The following PRR35 variants were observed in gnomAD, a reference collection of about 807,000 sequenced individuals.
PRR35 encodes proline rich 35.
In PRR35, 14 loss-of-function variants were observed where a neutral mutation model predicts 18.6. The ratio of observed to expected loss-of-function variants is 0.75; its 90% CI spans 0.50 to 1.18. The LOEUF is 1.18. Ranked by LOEUF, PRR35 falls within the 50% of genes most tolerant of loss-of-function variation. The pLI, the probability that PRR35 is intolerant of heterozygous loss-of-function variation, is 0.00. For synonymous variants in PRR35, 425 were observed against 378.2 expected (o/e 1.12, Z -1.43); for missense variants, 832 against 792.2 (o/e 1.05, Z -0.60).
At chr16:562,783 G>T (rs1261797678) in intron 1 of PRR35, among the ~76,000 whole-genome samples, 1 of 152,238 alleles carries the variant, frequency 6.6e-6, no homozygotes. Flanking sequence ...GATTCTTTTA[G>T]CCACTCACAT....
intron 1 of PRR35, chr16:561,618 C>T (rs906270082): frequency 3.2e-5 from 17 of 533,498 alleles, no homozygotes; most frequent in Middle Eastern, 9.3e-4. Context: ...CCTGCCCCTG[C>T]AGCCCGTGAC....
chr16:560,934 C>CGGGG (rs59225364), intron 1 of PRR35, among the ~76,000 whole-genome samples: 76 of 130,952 alleles, frequency 5.8e-4, no homozygotes, highest in African/African-American at 2.1e-3. Context: ...CCTGCGTTCC[C>CGGGG]GGGGGGGGGG....
At chr16:562,075 G>A (rs1485895995) in intron 1 of PRR35, among the ~76,000 whole-genome samples, 1 of 152,266 alleles carries the variant, frequency 6.6e-6, no homozygotes, top group Non-Finnish European at 1.5e-5. Context: ...CACACCCAAA[G>A]CCCGTGTGCG....
chr16:564,200 G>A lies in PRR35; in HGVS notation c.906G>A (p.Leu302=). 6.4e-7 allele frequency: 1 copy of A among 1,567,038 alleles called. No individual in the cohort carries two copies. Among genetic ancestry groups the A allele is most frequent in the Non-Finnish European group, 8.6e-7 (1 of 1,162,566 alleles). Residue 302 remains leucine (L), a synonymous_variant, in exon 2 of 3, where the codon CTG becomes CTA. Transcript: ENST00000409413. The part of the protein sequence containing the change: ...SPSGTPAPGL[L]KVPVPGLGPW... ...CTGGGACTCCGGCTCCTGGCCTGCTGAAGGTGCCAGTTCCAGGGCTGGGGC... is the reference window on the plus strand; with the variant it reads ...CTGGGACTCCGGCTCCTGGCCTGCTAAAGGTGCCAGTTCCAGGGCTGGGGC...
intron 1 of PRR35, among the ~76,000 whole-genome samples, chr16:562,377 A>G (rs2035447383): frequency 6.6e-6 from 1 of 152,224 alleles, no homozygotes; most frequent in African/African-American, 2.4e-5. Flanking sequence ...TGCCCACCTG[A>G]CGCCCTGCTA....
Position 564,982 on chromosome 16 carries a change from C to A in PRR35, c.1391C>A (p.Pro464His). The change falls in exon 3 of 3, where the codon CCC (proline) becomes CAC (histidine). Residue 464 changes from proline to histidine, a missense_variant. Physicochemically the swap from Pro to His is moderately conservative, Grantham distance 77 (BLOSUM62 -2). Around this residue, in one of 3 missense-constraint regions of PRR35, gnomAD observed 768 missense variants for 704.1 expected, o/e 1.09. Coordinates refer to ENST00000409413, the MANE Select transcript of PRR35 (RefSeq NM_145270.3). ...LEQAVRPPDA[P>H]LDLSVKRAPA... ...CAGGCCGTGAGGCCGCCAGACGCACCCCTCGACCTCTCTGTGAAACGTGCG... is the reference window on the plus strand; with the variant it reads ...CAGGCCGTGAGGCCGCCAGACGCACACCTCGACCTCTCTGTGAAACGTGCG... 1 of 1,607,684 alleles carries A rather than the reference C, an allele frequency of 6.2e-7. No homozygotes were observed. The highest frequency in any genetic ancestry group is 8.5e-7 in the Non-Finnish European group (1 of 1,178,392).
At chr16:564,523 G>T in intron 2 of PRR35, 147 bp downstream of exon 2, 2 of 1,409,852 alleles carry the variant, frequency 1.4e-6, no homozygotes, top group South Asian at 2.8e-5. Context: ...GGGGAACTGA[G>T]ACCCGAGAGC....
intron 2 of PRR35, 50 bp from the exon 3 acceptor site, chr16:564,623 CG>C: frequency 2.0e-6 from 3 of 1,466,430 alleles, no homozygotes; most frequent in Non-Finnish European, 9.0e-7. Flanking sequence ...GGGCAGGGGC[CG>C]GGGGCGCTGT....
chr16:564,091 AC>A lies in PRR35; in HGVS notation c.800del (p.Pro267ArgfsTer36). 1 of 1,561,540 alleles carries A rather than the reference AC, an allele frequency of 6.4e-7. No individual in the cohort carries two copies. Among genetic ancestry groups the A allele is most frequent in the South Asian group, 1.2e-5 (1 of 86,262 alleles). ...CCCACCCCGGCCCCCCGCCTGTACT[AC>A]CCGCTGCTTCTGGAGCACACTCTGG... ...QRPTPAPRLY[Y>X]PLLLEHTLGL... On this transcript the variant is annotated frameshift_variant, in exon 2 of 3. Coordinates refer to ENST00000409413, the MANE Select transcript of PRR35 (RefSeq NM_145270.3). LOFTEE classifies it high-confidence loss of function.
chr16:565,154 C>G lies in PRR35; in HGVS notation c.1563C>G (p.Ala521=). 6.2e-7 allele frequency: 1 copy of G among 1,610,200 alleles called. No homozygotes were observed. The highest frequency in any genetic ancestry group is 8.5e-7 in the Non-Finnish European group (1 of 1,178,760). Residue 521 remains alanine, a synonymous_variant, in exon 3 of 3, where the codon GCC becomes GCG. Coordinates refer to ENST00000409413, the MANE Select transcript of PRR35 (RefSeq NM_145270.3). Reference sequence around the variant, plus strand: ...CTGGCCACACCACCAAGTGTGAGGCCGACTCCAGCGTCCCACCCCCAGGGC... The same window carrying G: ...CTGGCCACACCACCAAGTGTGAGGCGGACTCCAGCGTCCCACCCCCAGGGC... The part of the protein sequence containing the change: ...PFSGHTTKCE[A]DSSVPPPGLP...
rs1290901067 is a variant in PRR35, at chr16:560,509, C to G, written c.-192C>G. On this transcript the variant is annotated 5_prime_UTR_variant, in exon 1 of 3. Coordinates refer to ENST00000409413, the MANE Select transcript of PRR35 (RefSeq NM_145270.3). Reference sequence around the variant, plus strand: ...AGGTCCGGCTCCCGGCGCCGGGCCTCAGTTTCCCCCACGGGAGCCGCATCC... The same window carrying G: ...AGGTCCGGCTCCCGGCGCCGGGCCTGAGTTTCCCCCACGGGAGCCGCATCC... 1.0e-6 allele frequency: 1 copy of G among 982,700 alleles called. No individual in the cohort carries two copies. Among genetic ancestry groups the G allele is most frequent in the Non-Finnish European group, 1.2e-6 (1 of 828,850 alleles). 60.9% of individuals were successfully genotyped at this position (982,700 alleles called of 1,614,324 possible). A position where few individuals can be genotyped will look rare whatever the true frequency, so the allele number is the denominator to read the frequency against.
rs1411516569 is a variant in PRR35 at position 562,596 on chromosome 16, GACACACACAGGC to G, written c.-39-650_-39-639del. On this transcript the variant is annotated intron_variant, in intron 1 of 2. Transcript: ENST00000409413. ...GCACACGCACACATGCACACACACA[GACACACACAGGC>G]ACACACACACACACGCAGCATCATC... Among the ~76,000 whole-genome samples, 88 of 149,338 alleles carry G rather than the reference GACACACACAGGC, an allele frequency of 5.9e-4. No homozygotes were observed. In the East Asian group the frequency reaches 0.012, roughly 20 times the overall value.
chr16:562,519 AGG>A (rs1194289091), intron 1 of PRR35, among the ~76,000 whole-genome samples: 6 of 122,172 alleles, frequency 4.9e-5, no homozygotes, highest in East Asian at 3.3e-4. Context: ...ATGCACACAC[AGG>A]CGCACACACG....
rs767530686 is a variant in PRR35 at position 565,351 on chromosome 16, G to A, written c.*44G>A. 36 of 1,424,676 alleles carry A rather than the reference G, an allele frequency of 2.5e-5. No homozygotes were observed. The highest frequency in any genetic ancestry group is 7.6e-5 in the South Asian group (5 of 65,506). 88.3% of individuals were successfully genotyped at this position (1,424,676 alleles called of 1,614,324 possible). A position where few individuals can be genotyped will look rare whatever the true frequency, so the allele number is the denominator to read the frequency against. On this transcript the variant is annotated 3_prime_UTR_variant, in exon 3 of 3. Transcript: ENST00000409413. ...TGACTGTCTCTGCCTGCAGCATGCC[G>A]GCCCCTCTCCTGCAGCCCCTGCCCC... is the stretch of plus-strand genomic sequence containing the variant.
intron 1 of PRR35, among the ~76,000 whole-genome samples, chr16:562,430 G>A (rs117913503): frequency 3.0e-4 from 45 of 152,128 alleles, no homozygotes; most frequent in East Asian, 9.7e-4. Context: ...GCATACACAC[G>A]CACTCACACA....
chr16:565,429 G>A lies in PRR35; in HGVS notation c.*122G>A, dbSNP rs1356012986. 2.5e-5 allele frequency: 27 copies of A among 1,086,322 alleles called. No individual in the cohort carries two copies. Among genetic ancestry groups the A allele is most frequent in the Admixed American group, 7.3e-5 (2 of 27,374 alleles). The allele number at this position is 1,086,322 out of a possible 1,614,324, so 67.3% of individuals were successfully genotyped here. ...CGCATGCATGTGGATAGACCCCCAC[G>A]GGCCGTGGCCAACGCTTGTCCCTGG... On this transcript the variant is annotated 3_prime_UTR_variant, in exon 3 of 3. Transcript: ENST00000409413.
Position 563,404 on chromosome 16 carries a change from AC to A in PRR35, c.111del (p.Tyr37Ter). ...IPRPWGKPYN[Y>X]KCFQCPFTCL... ...CGGCCCTGGGGCAAACCCTACAACTACAAATGCTTCCAGTGCCCCTTCACCT... is the reference window on the plus strand; with the variant it reads ...CGGCCCTGGGGCAAACCCTACAACTAAAATGCTTCCAGTGCCCCTTCACCT... On this transcript the variant is annotated frameshift_variant, in exon 2 of 3. Coordinates refer to ENST00000409413, the MANE Select transcript of PRR35 (RefSeq NM_145270.3). LOFTEE classifies it high-confidence loss of function. The A allele has an allele frequency of 6.2e-7, 1 of 1,612,448 alleles. No homozygotes were observed. Among genetic ancestry groups the A allele is most frequent in the East Asian group, 2.2e-5 (1 of 44,876 alleles).
In PRR35 at chr16:564,147, A is replaced by G. The variant is rs779826075; in HGVS notation, c.853A>G (p.Lys285Glu). ...GLPAGKAALA[K>E]APVSPRSPSG... ...GCCAGCAGGCAAAGCTGCCCTTGCC[A>G]AGGCCCCTGTCTCCCCCAGGAGCCC... is the stretch of plus-strand genomic sequence containing the variant. The change falls in exon 2 of 3, where the codon AAG becomes GAG. Residue 285 changes from lysine (K) to glutamate (E), a missense_variant. Physicochemically the swap from Lys to Glu is moderately conservative, Grantham distance 56. This residue lies in a region of PRR35 where 768 missense variants were observed against 704.1 expected (regional missense o/e 1.09). Transcript: ENST00000409413. 19 of 1,572,138 alleles carry G rather than the reference A, an allele frequency of 1.2e-5. No individual in the cohort carries two copies. The highest frequency in any genetic ancestry group is 1.6e-5 in the Non-Finnish European group (19 of 1,167,166).
rs372585647 is a variant in PRR35 at position 563,978 on chromosome 16, C to T, written c.684C>T (p.Ala228=). The change falls in exon 2 of 3, where the codon GCC becomes GCT. Residue 228 remains alanine, a synonymous_variant. Transcript: ENST00000409413. ...TCTCCTACTTGGGGCCCTCACTGGC[C>T]GCTGCAGCCCATGTGCCCTTCCTGG... ...GLFSYLGPSL[A]AAAHVPFLAS... is the part of the protein sequence containing the mutation. 108 of 1,601,386 alleles carry T rather than the reference C, an allele frequency of 6.7e-5. 1 individual carries two copies. The African/African-American group carries it at 9.9e-4, about 15-fold the overall frequency.
Sources: allele counts gnomAD v4.1 joint callset (sites outside exome capture counted in the v4.1 genomes callset), GRCh38; gene constraint gnomAD v4.1.1; regional missense constraint gnomAD v4.1.1; transcripts MANE v1.5; gene names NCBI Gene and HGNC (gene_info 2026-07-23, HGNC 2026-07-21).